Variants in VAV3 observed in about 807,000 individuals in gnomAD.
The protein encoded by VAV3 is vav guanine nucleotide exchange factor 3, also known as guanine nucleotide exchange factor VAV3.
VAV3 carries 94 observed loss-of-function variants against 131.2 expected under a neutral mutation model. The ratio of observed to expected loss-of-function variants is 0.72; its 90% CI spans 0.61 to 0.85. VAV3 has a LOEUF of 0.85. Ranked by LOEUF, VAV3 falls within the 40% of genes least tolerant of loss-of-function variation. VAV3 has a pLI of 0.00. For synonymous variants in VAV3, 349 were observed against 342.0 expected, an observed-to-expected ratio of 1.02 and a Z score of -0.22; for missense variants, 939 against 1,002.7, an observed-to-expected ratio of 0.94 and a Z score of 0.86.
At chr1:107,764,412 T>A (rs1376995117) in intron 9 of VAV3, among the ~76,000 whole-genome samples, 3 of 152,264 alleles carry the variant, frequency 2.0e-5, no homozygotes, top group African/African-American at 4.8e-5. Context: ...GCTTATCACA[T>A]GTTATTTAAT....
chr1:107,782,976 T>G (rs1665775712), intron 2 of VAV3, among the ~76,000 whole-genome samples: 1 of 152,204 alleles, frequency 6.6e-6, no homozygotes, highest in South Asian at 2.1e-4. Flanking sequence ...CAGACATAGC[T>G]AGTAACAATA....
intron 25 of VAV3, among the ~76,000 whole-genome samples, chr1:107,592,441 T>A (rs1039159700): frequency 6.6e-6 from 1 of 152,124 alleles, no homozygotes; most frequent in African/African-American, 2.4e-5. Context: ...TAATAAGTTC[T>A]TACAGAAGAT....
chr1:107,868,505 G>A (rs1178006369), intron 2 of VAV3, among the ~76,000 whole-genome samples: 1 of 152,132 alleles, frequency 6.6e-6, no homozygotes, highest in Non-Finnish European at 1.5e-5. Context: ...GTAAACCATT[G>A]CAGGCTCTCA....
intron 9 of VAV3, among the ~76,000 whole-genome samples, chr1:107,762,013 C>T (rs1171805510): frequency 6.8e-6 from 1 of 148,086 alleles, no homozygotes; most frequent in Non-Finnish European, 1.5e-5. Context: ...TTTGAAGTGT[C>T]AAAGAATGAA....
intron 19 of VAV3, among the ~76,000 whole-genome samples, chr1:107,670,013 G>A (rs1657670249): frequency 1.3e-5 from 2 of 152,180 alleles, no homozygotes; most frequent in South Asian, 4.1e-4. Context: ...GCTAGGTTCA[G>A]TTTTCTATCT....
chr1:107,823,185 A>C (rs771429056), intron 2 of VAV3, among the ~76,000 whole-genome samples: 8 of 152,178 alleles, frequency 5.3e-5, no homozygotes, highest in Non-Finnish European at 7.3e-5. Flanking sequence ...AATCAGAAAA[A>C]CTTGCTTACA....
At chr1:107,763,857 GC>G (rs1664577330) in intron 9 of VAV3, among the ~76,000 whole-genome samples, 2 of 151,448 alleles carry the variant, frequency 1.3e-5, no homozygotes, top group South Asian at 4.2e-4. Context: ...AAAATCACCT[GC>G]CCCTTCTCCC....
At chr1:107,647,091 A>T (rs1452532388) in intron 19 of VAV3, among the ~76,000 whole-genome samples, 1 of 151,652 alleles carries the variant, frequency 6.6e-6, no homozygotes, top group Non-Finnish European at 1.5e-5. Context: ...TTATAGGAGC[A>T]TCAACCACTG....
At chr1:107,855,110 T>C (rs1669409821) in intron 2 of VAV3, among the ~76,000 whole-genome samples, 1 of 152,116 alleles carries the variant, frequency 6.6e-6, no homozygotes, top group South Asian at 2.1e-4. Context: ...CTGCACACAA[T>C]CCACTGGCTA....
rs1649265926 is a variant in VAV3 at position 107,571,623 on chromosome 1, G to T, written c.*1708C>A. ...GTCGCAGATAAGACTTTACAGGAAA[G>T]AATCCATTCCAAGAGTACACTTTGA... On this transcript the variant is annotated 3_prime_UTR_variant, in exon 27 of 27. Transcript: ENST00000370056. The T allele has an allele frequency of 6.6e-6, 1 of 152,542 alleles. No individual in the cohort carries two copies. The highest frequency in any genetic ancestry group is 1.5e-5 in the Non-Finnish European group (1 of 68,026). The allele number at this position is 152,542 out of a possible 1,614,324, so 9.4% of individuals were successfully genotyped here. A position where few individuals can be genotyped will look rare whatever the true frequency, so the allele number is the denominator to read the frequency against.
chr1:107,738,319 G>A (rs1222431189), intron 15 of VAV3, among the ~76,000 whole-genome samples: 3 of 152,048 alleles, frequency 2.0e-5, no homozygotes, highest in Admixed American at 1.3e-4. Flanking sequence ...AAACCTGCAC[G>A]TTGTGCACAT....
chr1:107,805,601 T>A (rs1163258985), intron 2 of VAV3, among the ~76,000 whole-genome samples: 1 of 152,214 alleles, frequency 6.6e-6, no homozygotes, highest in Non-Finnish European at 1.5e-5. Context: ...TCCTTAAAAT[T>A]GCTATTTTGA....
intron 15 of VAV3, among the ~76,000 whole-genome samples, chr1:107,728,625 G>GTATATA (rs1304509186): frequency 1.9e-5 from 2 of 105,680 alleles, no homozygotes; most frequent in Non-Finnish European, 4.5e-5. Flanking sequence ...ATATGTATAT[G>GTATATA]TATATGTATA....
intron 5 of VAV3, 78 bp downstream of exon 5, chr1:107,772,657 G>T: frequency 1.6e-6 from 2 of 1,238,540 alleles, no homozygotes; most frequent in Non-Finnish European, 2.3e-6. Flanking sequence ...CCCAGCAGAT[G>T]TTACATAAAT....
At position 107,882,280 on chromosome 1, in the gene VAV3, G is replaced by C. The variant is rs531344546; in HGVS notation, c.205-7263C>G. ...ACCCAGAGCCAACCTGTGTGTTGAA[G>C]AAAGAAGCTCTCAGCATCTCAGAAT... is the stretch of plus-strand genomic sequence containing the variant. On this transcript the variant is annotated intron_variant, in intron 1 of 26. Coordinates refer to ENST00000370056, the MANE Select transcript of VAV3 (RefSeq NM_006113.5). Among the ~76,000 whole-genome samples the C allele has an allele frequency of 2.6e-5, 4 of 152,234 alleles. No individual in the cohort carries two copies. In the South Asian group the frequency reaches 8.3e-4, roughly 32 times the overall value.
chr1:107,596,405 C>A (rs568241527), intron 24 of VAV3, 64 bp from the exon 25 acceptor site: 1 of 1,565,068 alleles, frequency 6.4e-7, no homozygotes, highest in African/African-American at 1.4e-5. Context: ...CACATGAACT[C>A]CTGAGCACAT....
chr1:107,734,502 G>A (rs913667056), intron 15 of VAV3, among the ~76,000 whole-genome samples: 2 of 152,140 alleles, frequency 1.3e-5, no homozygotes, highest in African/African-American at 4.8e-5. Flanking sequence ...CAAAATAAAG[G>A]GATGGAGGAA....
chr1:107,899,015 T>C (rs1040027924), intron 1 of VAV3, among the ~76,000 whole-genome samples: 1 of 152,132 alleles, frequency 6.6e-6, no homozygotes, highest in African/African-American at 2.4e-5. Context: ...AAGCTTACTA[T>C]ACATTAGAAA....
intron 1 of VAV3, among the ~76,000 whole-genome samples, chr1:107,888,349 A>G (rs1026693465): frequency 6.6e-6 from 1 of 152,226 alleles, no homozygotes; most frequent in Non-Finnish European, 1.5e-5. Flanking sequence ...ACGTAGCGCT[A>G]GACTAGGCAA....
Sources: allele counts gnomAD v4.1 joint callset (sites outside exome capture counted in the v4.1 genomes callset), GRCh38; gene constraint gnomAD v4.1.1; transcripts MANE v1.5; gene names NCBI Gene and HGNC (gene_info 2026-07-23, HGNC 2026-07-21).